NPHP1: variants seen among roughly 807,000 people sequenced by gnomAD.
NPHP1 encodes nephrocystin-1.
Under a neutral mutation model 90.4 loss-of-function variants are expected in NPHP1, and 70 were observed. That is an observed-to-expected ratio of 0.77 (90% CI 0.64 to 0.95). The LOEUF (loss-of-function observed/expected upper bound fraction) is 0.95. Ranked by LOEUF, NPHP1 falls within the 40% of genes least tolerant of loss-of-function variation. NPHP1 has a pLI of 0.00. For missense variants in NPHP1, 764 were observed against 795.9 expected (o/e 0.96, Z 0.48); for synonymous variants, 256 against 271.7 (o/e 0.94, Z 0.57).
intron 16 of NPHP1, among the ~76,000 whole-genome samples, chr2:110,136,228 C>G (rs1362525595): frequency 6.6e-6 from 1 of 152,094 alleles, no homozygotes; most frequent in African/African-American, 2.4e-5. Flanking sequence ...AATGAATGGA[C>G]AAAAACTGGA....
chr2:110,194,492 C>T (rs1410761854), intron 2 of NPHP1, among the ~76,000 whole-genome samples: 4 of 152,134 alleles, frequency 2.6e-5, no homozygotes, highest in African/African-American at 9.6e-5. Context: ...CAATAACAGG[C>T]TCTGAAATTG....
chr2:110,184,405 C>G (rs1574172114), intron 2 of NPHP1: 3 of 624,956 alleles, frequency 4.8e-6, no homozygotes, highest in East Asian at 5.9e-5. Context: ...CCTTTAAACC[C>G]ACAAAGACAC....
At chr2:110,201,753 G>A (rs1685592483) in intron 1 of NPHP1, among the ~76,000 whole-genome samples, 2 of 152,072 alleles carry the variant, frequency 1.3e-5, no homozygotes, top group Admixed American at 6.5e-5. Context: ...CCTAAATAAT[G>A]GACTATGGAT....
chr2:110,151,086 A>G (rs951580773), intron 11 of NPHP1, among the ~76,000 whole-genome samples: 3 of 150,768 alleles, frequency 2.0e-5, no homozygotes, highest in Non-Finnish European at 4.4e-5. Context: ...GAATCGCTGG[A>G]ACCTGGGAGA....
chr2:110,128,158 A>G (rs970466519), intron 18 of NPHP1: 9 of 152,108 alleles, frequency 5.9e-5, no homozygotes, highest in African/African-American at 2.2e-4. Context: ...AAGTCTAATA[A>G]GAATCTTTGT....
In NPHP1 at chr2:110,165,086, C is replaced by T. The variant is rs1184134524; in HGVS notation, c.694G>A (p.Asp232Asn). 1 of 1,613,740 alleles carries T rather than the reference C, an allele frequency of 6.2e-7. No homozygotes were observed. Among genetic ancestry groups the T allele is most frequent in the Non-Finnish European group, 8.5e-7 (1 of 1,179,768 alleles). The change falls in exon 7 of 20, where the codon GAT becomes AAT. Residue 232 changes from aspartate (D) to asparagine (N), a missense_variant. Coordinates refer to ENST00000445609, the MANE Select transcript of NPHP1 (RefSeq NM_001128178.3). ...ACTTCTGCTCCATCTGCTGTTTCATCCACCGCCTCTACATCTTCTTCACTG... is the reference window on the plus strand; with the variant it reads ...ACTTCTGCTCCATCTGCTGTTTCATTCACCGCCTCTACATCTTCTTCACTG... ...EGSEEDVEAV[D>N]ETADGAEVKQ...
chr2:110,150,949 T>A (rs968316797), intron 11 of NPHP1, among the ~76,000 whole-genome samples: 1 of 150,858 alleles, frequency 6.6e-6, no homozygotes, highest in Non-Finnish European at 1.5e-5. Flanking sequence ...GTGGATTACA[T>A]GAATTTGGGA....
At chr2:110,138,215 A>G (rs1363366217) in intron 16 of NPHP1, among the ~76,000 whole-genome samples, 3 of 152,056 alleles carry the variant, frequency 2.0e-5, no homozygotes, top group Non-Finnish European at 2.9e-5. Context: ...AGATATACCT[A>G]ATGTTAAATG....
intron 13 of NPHP1, 93 bp downstream of exon 13, chr2:110,147,823 A>T (rs1451404302): frequency 5.2e-6 from 4 of 772,420 alleles, no homozygotes; most frequent in Non-Finnish European, 7.0e-6. Context: ...AATTACACAT[A>T]AAGACTTCAA....
intron 6 of NPHP1, 121 bp downstream of exon 6, chr2:110,168,331 A>T: frequency 1.4e-6 from 1 of 720,540 alleles, no homozygotes; most frequent in Non-Finnish European, 2.4e-6. Flanking sequence ...CTCCAAAATT[A>T]AAGCAAATTC....
chr2:110,187,495 T>C (rs1394221628), intron 2 of NPHP1, among the ~76,000 whole-genome samples: 1 of 152,102 alleles, frequency 6.6e-6, no homozygotes, highest in Non-Finnish European at 1.5e-5. Flanking sequence ...AACAGATCAA[T>C]AATGAGTTCT....
chr2:110,193,571 C>T (rs1317231532), intron 2 of NPHP1, among the ~76,000 whole-genome samples: 1 of 152,052 alleles, frequency 6.6e-6, no homozygotes, highest in South Asian at 2.1e-4. Context: ...GACTTTAACA[C>T]CCCACTGTCA....
chr2:110,137,575 T>C (rs1425600103), intron 16 of NPHP1, among the ~76,000 whole-genome samples: 1 of 152,034 alleles, frequency 6.6e-6, no homozygotes, highest in Admixed American at 6.5e-5. Context: ...CATGAAAAAA[T>C]GCTCATGATC....
chr2:110,125,764 A>G, intron 18 of NPHP1, 83 bp from the exon 19 acceptor site: 1 of 1,109,336 alleles, frequency 9.0e-7, no homozygotes, highest in Non-Finnish European at 1.4e-6. Context: ...CTGTAAATAA[A>G]CTTATGGACA....
chr2:110,188,005 G>A (rs1559098272), intron 2 of NPHP1, among the ~76,000 whole-genome samples: 1 of 152,100 alleles, frequency 6.6e-6, no homozygotes, highest in Non-Finnish European at 1.5e-5. Context: ...AGATATTGAA[G>A]GAATATACCT....
At chr2:110,141,680 CA>C (rs1680640799) in intron 16 of NPHP1, among the ~76,000 whole-genome samples, 1 of 152,010 alleles carries the variant, frequency 6.6e-6, no homozygotes, top group South Asian at 2.1e-4. Flanking sequence ...ATTTTGAAAA[CA>C]GTTTGGTAGG....
intron 4 of NPHP1, among the ~76,000 whole-genome samples, chr2:110,173,776 C>A (rs1323275895): frequency 6.6e-6 from 1 of 152,066 alleles, no homozygotes; most frequent in East Asian, 1.9e-4. Flanking sequence ...TTTCTCAGAA[C>A]ATATCCCTAT....
intron 4 of NPHP1, among the ~76,000 whole-genome samples, chr2:110,172,275 T>C (rs2104587251): frequency 6.6e-6 from 1 of 152,220 alleles, no homozygotes; most frequent in South Asian, 2.1e-4. Context: ...TCAGTAATGC[T>C]AGCAGCTTAT....
At position 110,146,979 on chromosome 2, in the gene NPHP1, T is replaced by C. The variant is rs1181500144; in HGVS notation, c.1270-144A>G. The C allele has an allele frequency of 5.1e-5, 35 of 680,358 alleles. 1 individual carries two copies. The South Asian group carries it at 5.9e-4, about 11-fold the overall frequency. 42.1% of individuals were successfully genotyped at this position (680,358 alleles called of 1,614,324 possible). A position where few individuals can be genotyped will look rare whatever the true frequency, so the allele number is the denominator to read the frequency against. On this transcript the variant is annotated intron_variant, in intron 13 of 19. Transcript: ENST00000445609. Reference sequence around the variant, plus strand: ...CACAAGAAAATAAAATGAAACACAGTAGAATCTCATTTTGCCTGCGGGTCA... The same window carrying C: ...CACAAGAAAATAAAATGAAACACAGCAGAATCTCATTTTGCCTGCGGGTCA...
Sources: allele counts gnomAD v4.1 joint callset (sites outside exome capture counted in the v4.1 genomes callset), GRCh38; gene constraint gnomAD v4.1.1; transcripts MANE v1.5; gene names NCBI Gene and HGNC (gene_info 2026-07-23, HGNC 2026-07-21).